Variants in GRID2 observed in about 807,000 individuals in gnomAD.
The protein encoded by GRID2 is glutamate receptor ionotropic, delta-2.
Under a neutral mutation model 114.8 loss-of-function variants are expected in GRID2, and 33 were observed. That is an observed-to-expected ratio of 0.29 (90% confidence interval 0.22 to 0.38). The LOEUF (loss-of-function observed/expected upper bound fraction) is 0.38, where lower values mean the gene tolerates loss of function less well. Among genes scored for constraint, GRID2 ranks in the 10% least tolerant of loss-of-function variants. GRID2 has a pLI of 1.00. For synonymous variants in GRID2, 505 were observed against 449.9 expected, an observed-to-expected ratio of 1.12 and a Z score of -1.55; for missense variants, 1,184 against 1,257.7, an observed-to-expected ratio of 0.94 and a Z score of 0.89.
intron 2 of GRID2, among the ~76,000 whole-genome samples, chr4:92,759,693 C>T (rs1358894081): frequency 6.6e-6 from 1 of 152,056 alleles, no homozygotes; most frequent in Non-Finnish European, 1.5e-5. Context: ...CAACCTCCAC[C>T]TCCCAGGTAC....
intron 8 of GRID2, among the ~76,000 whole-genome samples, chr4:93,311,717 A>G (rs1756036377): frequency 6.6e-6 from 1 of 152,204 alleles, no homozygotes; most frequent in South Asian, 2.1e-4. Context: ...GAAATGTATG[A>G]GGATGAACAG....
intron 2 of GRID2, among the ~76,000 whole-genome samples, chr4:92,646,480 A>G (rs79559978): frequency 0.055 from 8,387 of 152,102 alleles, 334 homozygotes; most frequent in East Asian, 0.16. Context: ...TTGACTAAAA[A>G]AAAAAAACTT....
At chr4:92,885,459 C>T (rs1746308898) in intron 2 of GRID2, among the ~76,000 whole-genome samples, 3 of 152,182 alleles carry the variant, frequency 2.0e-5, no homozygotes, top group South Asian at 2.1e-4. Flanking sequence ...ATTAACTCAG[C>T]TCTCACTTGT....
At chr4:92,966,724 C>A (rs1753181268) in intron 2 of GRID2, among the ~76,000 whole-genome samples, 1 of 151,836 alleles carries the variant, frequency 6.6e-6, no homozygotes, top group Non-Finnish European at 1.5e-5. Context: ...GTGAGGCCTC[C>A]CCAGACATGT....
intron 2 of GRID2, among the ~76,000 whole-genome samples, chr4:92,962,580 C>G (rs1560749429): frequency 6.6e-6 from 1 of 151,920 alleles, no homozygotes; most frequent in Non-Finnish European, 1.5e-5. Context: ...TAAACAGTTT[C>G]CCCAGGGACA....
chr4:93,777,009 AC>A (rs1393915489), downstream of GRID2, among the ~76,000 whole-genome samples: 8 of 152,300 alleles, frequency 5.3e-5, no homozygotes, highest in African/African-American at 1.7e-4. Flanking sequence ...TCTTTTTCAT[AC>A]TGCAACTAAA....
At chr4:93,595,150 G>A (rs1173010009) in intron 13 of GRID2, among the ~76,000 whole-genome samples, 2 of 152,164 alleles carry the variant, frequency 1.3e-5, no homozygotes, top group Non-Finnish European at 2.9e-5. Flanking sequence ...CCTCTATCTT[G>A]TAGGATCCAA....
intron 13 of GRID2, among the ~76,000 whole-genome samples, chr4:93,575,149 G>C (rs1285743550): frequency 6.6e-6 from 1 of 152,132 alleles, no homozygotes; most frequent in African/African-American, 2.4e-5. Context: ...GCAAATCACA[G>C]GACTTATCCC....
chr4:93,309,319 G>A (rs537458239), intron 8 of GRID2, among the ~76,000 whole-genome samples: 4 of 152,276 alleles, frequency 2.6e-5, no homozygotes, highest in Admixed American at 2.0e-4. Context: ...TGGATCACTT[G>A]AGGCTAAGAG....
At chr4:93,260,979 A>G (rs1750188670) in intron 8 of GRID2, among the ~76,000 whole-genome samples, 1 of 151,824 alleles carries the variant, frequency 6.6e-6, no homozygotes, top group Admixed American at 6.6e-5. Context: ...TCTGTGGCCT[A>G]TGGCATTCAT....
chr4:92,464,380 C>T (rs191133120), intron 1 of GRID2, among the ~76,000 whole-genome samples: 2 of 152,142 alleles, frequency 1.3e-5, no homozygotes, highest in East Asian at 3.9e-4. Context: ...AAAAGAAATA[C>T]TGTTCTCTTT....
At chr4:92,374,166 C>A (rs2110224076) in intron 1 of GRID2, among the ~76,000 whole-genome samples, 1 of 152,182 alleles carries the variant, frequency 6.6e-6, no homozygotes, top group South Asian at 2.1e-4. Flanking sequence ...TTATGCTTCC[C>A]AAGCATTAAT....
chr4:92,920,917 C>G (rs534120141), intron 2 of GRID2, among the ~76,000 whole-genome samples: 11 of 152,270 alleles, frequency 7.2e-5, no homozygotes, highest in South Asian at 2.1e-4. Context: ...TGGGGAAGTT[C>G]TCCTGGATAA....
chr4:92,445,411 G>T (rs968225793), intron 1 of GRID2, among the ~76,000 whole-genome samples: 10 of 152,196 alleles, frequency 6.6e-5, no homozygotes, highest in African/African-American at 2.4e-4. Flanking sequence ...GCTTTTGCCT[G>T]AAGTTTATAT....
At chr4:93,317,102 C>A (rs11940303) in intron 8 of GRID2, among the ~76,000 whole-genome samples, 2 of 151,636 alleles carry the variant, frequency 1.3e-5, no homozygotes, top group African/African-American at 2.4e-5. Context: ...TTTTAATTAC[C>A]GAATGTGGGC....
chr4:92,645,913 G>A (rs1406450237), intron 2 of GRID2, among the ~76,000 whole-genome samples: 2 of 151,646 alleles, frequency 1.3e-5, no homozygotes, highest in African/African-American at 4.8e-5. Context: ...ATAAGCTGCC[G>A]CAAATATCTT....
intron 2 of GRID2, among the ~76,000 whole-genome samples, chr4:92,911,854 T>C (rs1578446927): frequency 1.3e-5 from 2 of 151,680 alleles, no homozygotes; most frequent in African/African-American, 4.8e-5. Context: ...CAACAATAAA[T>C]CCCTTGTGGT....
chr4:92,832,266 A>G (rs1047390682), intron 2 of GRID2, among the ~76,000 whole-genome samples: 1 of 152,020 alleles, frequency 6.6e-6, no homozygotes, highest in Non-Finnish European at 1.5e-5. Flanking sequence ...AAGATGAAAC[A>G]CGATCTTTAC....
intron 4 of GRID2, among the ~76,000 whole-genome samples, chr4:93,204,747 C>T (rs978259787): frequency 2.0e-5 from 3 of 152,142 alleles, no homozygotes; most frequent in African/African-American, 7.2e-5. Context: ...CTACTTAGTC[C>T]ATAAATGCTG....
Sources: gnomAD v4.1 joint callset for allele counts (sites outside exome capture counted in the v4.1 genomes callset) on GRCh38, gnomAD v4.1.1 for gene constraint, MANE v1.5 for transcripts, NCBI Gene and HGNC (gene_info 2026-07-23, HGNC 2026-07-21) for gene names.